Variants in DPP6 observed in about 807,000 individuals in gnomAD.
DPP6 encodes the protein dipeptidyl peptidase like 6.
DPP6 carries 69 observed loss-of-function variants against 122.6 expected under a neutral mutation model. The observed-to-expected ratio is 0.56, with a 90% CI of 0.46 to 0.69. The LOEUF is 0.69. DPP6 is among the 30% of genes least tolerant of loss of function. DPP6 has a pLI of 0.00. For synonymous variants in DPP6, 418 were observed against 433.1 expected (o/e 0.97, Z 0.43); for missense variants, 928 against 1,116.9 (o/e 0.83, Z 2.41).
At chr7:154,298,237 C>T (rs1236393419) in intron 1 of DPP6, among the ~76,000 whole-genome samples, 1 of 138,826 alleles carries the variant, frequency 7.2e-6, no homozygotes, top group Non-Finnish European at 1.6e-5. Flanking sequence ...CCCCCACAAT[C>T]CACCATCCTT....
intron 1 of DPP6, among the ~76,000 whole-genome samples, chr7:153,894,367 C>G (rs1324478812): frequency 2.0e-5 from 3 of 152,286 alleles, no homozygotes; most frequent in Non-Finnish European, 4.4e-5. Flanking sequence ...TTTTAGAACT[C>G]AAGAGCGTGC....
At chr7:154,013,612 C>A (rs80082722) in intron 1 of DPP6, among the ~76,000 whole-genome samples, 27,064 of 149,600 alleles carry the variant, frequency 0.18, 2,593 homozygotes, top group South Asian at 0.25. Flanking sequence ...AATACTGTAA[C>A]ATTCTTACTT....
At chr7:153,753,842 C>T in the DPP6 span, among the ~76,000 whole-genome samples, 3 of 152,094 alleles carry the variant, frequency 2.0e-5, no homozygotes, top group South Asian at 2.1e-4. Context: ...TACCCATTTG[C>T]GCTCCTAGAA....
intron 2 of DPP6, among the ~76,000 whole-genome samples, chr7:154,468,556 G>A (rs146810120): frequency 4.3e-4 from 65 of 152,332 alleles, no homozygotes; most frequent in African/African-American, 1.5e-3. Flanking sequence ...AGTCACAGGT[G>A]CCTAATGCGG....
At chr7:154,169,765 C>T (rs1476290853) in intron 1 of DPP6, among the ~76,000 whole-genome samples, 4 of 152,284 alleles carry the variant, frequency 2.6e-5, no homozygotes, top group South Asian at 2.1e-4. Flanking sequence ...GAGTCTCACT[C>T]TGTCACCCAG....
intron 1 of DPP6, among the ~76,000 whole-genome samples, chr7:154,306,974 CATT>C (rs1335640664): frequency 6.6e-6 from 1 of 152,176 alleles, no homozygotes; most frequent in Non-Finnish European, 1.5e-5. Flanking sequence ...TCTCCTCCCT[CATT>C]AGTTATGAAG....
intron 1 of DPP6, among the ~76,000 whole-genome samples, chr7:154,097,251 T>G (rs1805390681): frequency 1.3e-5 from 2 of 152,386 alleles, no homozygotes; most frequent in South Asian, 4.1e-4. Context: ...GCCAGGGTCC[T>G]ACAAACACCC....
At chr7:154,288,554 C>G (rs1043061277) in intron 1 of DPP6, among the ~76,000 whole-genome samples, 2 of 152,210 alleles carry the variant, frequency 1.3e-5, no homozygotes, top group African/African-American at 2.4e-5. Context: ...TTACCCACTT[C>G]TTAAGGCAGT....
chr7:154,385,915 C>T (rs1814065577), intron 1 of DPP6, among the ~76,000 whole-genome samples: 1 of 152,154 alleles, frequency 6.6e-6, no homozygotes, highest in Admixed American at 6.6e-5. Flanking sequence ...TGAACAGGTG[C>T]TTTCCTGTAA....
chr7:154,208,962 T>C (rs4286865), intron 1 of DPP6, among the ~76,000 whole-genome samples: 115,376 of 152,082 alleles, frequency 0.76, 43,917 homozygotes, highest in Non-Finnish European at 0.77. Context: ...CACATGCACA[T>C]GGACACACAC....
chr7:153,962,153 C>T (rs1017531752), intron 1 of DPP6, among the ~76,000 whole-genome samples: 3 of 151,932 alleles, frequency 2.0e-5, no homozygotes, highest in Admixed American at 6.5e-5. Context: ...CTTTATCTTA[C>T]AAGAGCCTGA....
chr7:154,168,971 C>G (rs139924913), intron 1 of DPP6, among the ~76,000 whole-genome samples: 2 of 152,214 alleles, frequency 1.3e-5, no homozygotes, highest in Non-Finnish European at 2.9e-5. Flanking sequence ...TTGAACTAAC[C>G]TTAGACAAAA....
chr7:154,112,508 G>T (rs558375576), intron 1 of DPP6, among the ~76,000 whole-genome samples: 1 of 152,152 alleles, frequency 6.6e-6, no homozygotes, highest in Non-Finnish European at 1.5e-5. Context: ...AGCCAGGCGT[G>T]GTGGCACATG....
chr7:154,760,114 T>C lies in DPP6; in HGVS notation c.884-9303T>C, dbSNP rs977627916. Among the ~76,000 whole-genome samples the C allele has an allele frequency of 4.6e-5, 7 of 152,004 alleles. No homozygotes were observed. The highest frequency in any genetic ancestry group is 1.7e-4 in the African/African-American group (7 of 41,368). ...CTCCAGCCTAGGTGACAGAGCGAGATTCTGTCTCAAAACAAAAAAAAGTCT... is the reference window on the plus strand; with the variant it reads ...CTCCAGCCTAGGTGACAGAGCGAGACTCTGTCTCAAAACAAAAAAAAGTCT... On this transcript the variant is annotated intron_variant, in intron 8 of 25. Transcript: ENST00000377770. This position sits in a 1 kb window ranked among gnomAD's most constrained non-coding sequence, Gnocchi z 4.5.
At chr7:154,874,224 G>A (rs6597434) in intron 19 of DPP6, among the ~76,000 whole-genome samples, 88,888 of 152,118 alleles carry the variant, frequency 0.58, 26,705 homozygotes, top group African/African-American at 0.74. Flanking sequence ...AACAACTTCC[G>A]AACCAGCTTT....
At chr7:153,856,427 A>C in the DPP6 span, among the ~76,000 whole-genome samples, 1 of 152,328 alleles carries the variant, frequency 6.6e-6, no homozygotes, top group South Asian at 2.1e-4. Flanking sequence ...AAGAGGAGAA[A>C]ATATTCAGAG....
intron 1 of DPP6, among the ~76,000 whole-genome samples, chr7:154,000,388 A>C (rs1255069904): frequency 2.6e-5 from 4 of 152,240 alleles, no homozygotes; most frequent in Non-Finnish European, 5.9e-5. Flanking sequence ...GTCTGCTGAG[A>C]GCAGGATGAA....
chr7:154,795,221 G>A (rs1024114843), intron 11 of DPP6, among the ~76,000 whole-genome samples: 1 of 152,184 alleles, frequency 6.6e-6, no homozygotes, highest in Non-Finnish European at 1.5e-5. Context: ...CCATGACAGA[G>A]GCCTGCTCCA....
At chr7:154,244,815 A>G (rs1189049000) in intron 1 of DPP6, among the ~76,000 whole-genome samples, 2 of 152,212 alleles carry the variant, frequency 1.3e-5, no homozygotes, top group Non-Finnish European at 2.9e-5. Context: ...AATAGGATAC[A>G]CAGAAATATA....
Sources: allele counts gnomAD v4.1 joint callset (sites outside exome capture counted in the v4.1 genomes callset), GRCh38; gene constraint gnomAD v4.1.1; non-coding constraint Gnocchi (gnomAD v3.1); transcripts MANE v1.5; gene names NCBI Gene and HGNC (gene_info 2026-07-23, HGNC 2026-07-21).